FAF1: variants seen among roughly 807,000 people sequenced by gnomAD.
FAF1 encodes the protein FAS-associated factor 1.
In FAF1, 25 loss-of-function variants were observed where a neutral mutation model predicts 92.5. That is an observed-to-expected ratio of 0.27 (90% CI 0.20 to 0.38). The LOEUF (loss-of-function observed/expected upper bound fraction) is 0.38, where lower values mean the gene tolerates loss of function less well. Among genes scored for constraint, FAF1 ranks in the 10% least tolerant of loss-of-function variants. The probability of loss-of-function intolerance (pLI) is 1.00; values close to 1 mark genes in which losing one functional copy is unlikely to be tolerated. For synonymous variants in FAF1, 234 were observed against 273.2 expected, an observed-to-expected ratio of 0.86 and a Z score of 1.42; for missense variants, 636 against 793.3, an observed-to-expected ratio of 0.80 and a Z score of 2.38.
intron 7 of FAF1, among the ~76,000 whole-genome samples, chr1:50,694,817 G>T (rs1330681787): frequency 1.3e-5 from 2 of 149,460 alleles, no homozygotes; most frequent in Non-Finnish European, 3.0e-5. Flanking sequence ...AAAAAAATTG[G>T]CCAGGCGTAG....
chr1:50,835,025 A>G (rs1344995016), intron 2 of FAF1, among the ~76,000 whole-genome samples: 1 of 152,232 alleles, frequency 6.6e-6, no homozygotes, highest in Admixed American at 6.5e-5. Flanking sequence ...AATAAGGGCA[A>G]GCAGTTATGA....
intron 7 of FAF1, among the ~76,000 whole-genome samples, chr1:50,659,580 T>C (rs971737174): frequency 2.6e-5 from 4 of 152,202 alleles, no homozygotes; most frequent in Admixed American, 1.3e-4. Context: ...AGGGCCTTTT[T>C]GTCTTACACA....
chr1:50,663,554 C>T (rs1655487883), intron 7 of FAF1, among the ~76,000 whole-genome samples: 1 of 151,328 alleles, frequency 6.6e-6, no homozygotes, highest in South Asian at 2.1e-4. Flanking sequence ...AGGCACATGC[C>T]ACCACACCCG....
intron 12 of FAF1, among the ~76,000 whole-genome samples, chr1:50,576,644 G>T (rs1298469994): frequency 9.3e-5 from 5 of 53,994 alleles, no homozygotes; most frequent in African/African-American, 2.7e-4. Context: ...CCCCCCCCCC[G>T]CCACCACCCC....
At chr1:50,463,809 A>G (rs893733022) in intron 18 of FAF1, among the ~76,000 whole-genome samples, 3 of 152,164 alleles carry the variant, frequency 2.0e-5, no homozygotes, top group Non-Finnish European at 4.4e-5. Flanking sequence ...TCGGAGATCC[A>G]CCACCTCTTG....
At chr1:50,672,257 G>C (rs866636388) in intron 7 of FAF1, among the ~76,000 whole-genome samples, 1 of 151,988 alleles carries the variant, frequency 6.6e-6, no homozygotes, top group Middle Eastern at 3.2e-3. Context: ...TGGCCAGGCT[G>C]GTCTTGAACT....
chr1:50,664,667 G>T (rs112810143), intron 7 of FAF1, among the ~76,000 whole-genome samples: 35,056 of 152,046 alleles, frequency 0.23, 4,447 homozygotes, highest in Middle Eastern at 0.42. Flanking sequence ...GGTGGCGGGC[G>T]CCTGTAGTCC....
At chr1:50,619,834 T>C (rs1466843714) in intron 8 of FAF1, among the ~76,000 whole-genome samples, 1 of 152,174 alleles carries the variant, frequency 6.6e-6, no homozygotes, top group Non-Finnish European at 1.5e-5. Context: ...TCCTCAAATA[T>C]ATTTTCCAAG....
In FAF1 at chr1:50,897,685, C is replaced by T. The variant is rs184967350; in HGVS notation, c.46-39688G>A. Among the ~76,000 whole-genome samples the T allele has an allele frequency of 3.4e-4, 52 of 152,238 alleles. 2 individuals carry two copies. The highest frequency in any genetic ancestry group is 1.4e-3 in the Admixed American group (22 of 15,294). On this transcript the variant is annotated intron_variant, in intron 1 of 18. Transcript: ENST00000396153. ...ACAAAATGGACTGTGGTATTGAACC[C>T]AATTCTTCAACCTTCCATGCATCCA...
intron 12 of FAF1, among the ~76,000 whole-genome samples, chr1:50,576,210 T>A (rs2149062237): frequency 6.6e-6 from 1 of 152,316 alleles, no homozygotes; most frequent in East Asian, 1.9e-4. Context: ...CCCACTTAAG[T>A]CTCAAAACAA....
At chr1:50,609,998 A>G (rs1422783897) in intron 8 of FAF1, among the ~76,000 whole-genome samples, 2 of 152,200 alleles carry the variant, frequency 1.3e-5, no homozygotes, top group Non-Finnish European at 2.9e-5. Flanking sequence ...AGGTCAGGCA[A>G]ACATAGTCAT....
At chr1:50,780,521 C>T (rs906604791) in intron 4 of FAF1, 10 of 193,434 alleles carry the variant, frequency 5.2e-5, no homozygotes, top group East Asian at 1.7e-4. Context: ...CCCCTGGGTA[C>T]GGAAACCAAT....
chr1:50,797,571 C>T (rs1661810185), intron 3 of FAF1, among the ~76,000 whole-genome samples: 1 of 151,416 alleles, frequency 6.6e-6, no homozygotes, highest in African/African-American at 2.4e-5. Context: ...TGGTGGCAAG[C>T]GCCTACAGTC....
At chr1:50,497,428 G>T (rs1416819895) in intron 15 of FAF1, among the ~76,000 whole-genome samples, 1 of 151,680 alleles carries the variant, frequency 6.6e-6, no homozygotes, top group African/African-American at 2.4e-5. Flanking sequence ...AGTCTTTCAG[G>T]TAAAAGGAAA....
chr1:50,816,676 CTTTAG>C (rs929662937), intron 2 of FAF1, among the ~76,000 whole-genome samples: 4 of 152,246 alleles, frequency 2.6e-5, no homozygotes, highest in African/African-American at 7.2e-5. Flanking sequence ...GGCAGAAGCT[CTTTAG>C]TTTAATTAGG....
At chr1:50,787,602 T>C (rs1661408070) in intron 4 of FAF1, among the ~76,000 whole-genome samples, 1 of 152,200 alleles carries the variant, frequency 6.6e-6, no homozygotes, top group Non-Finnish European at 1.5e-5. Context: ...TTTCTGTTCC[T>C]TATAAATTAC....
chr1:50,883,989 G>GTCA (rs1557573530), intron 1 of FAF1, among the ~76,000 whole-genome samples: 1 of 152,024 alleles, frequency 6.6e-6, no homozygotes, highest in Non-Finnish European at 1.5e-5. Context: ...GCCAGGCATG[G>GTCA]TGGTGCACAC....
rs111742185 is a variant in FAF1 at position 50,631,967 on chromosome 1, T to A, written c.744+23475A>T. ...TGCAAATTTCTTATTGTGCCTAATT[T>A]ACAAATTAAACTTTACTACAGATGT... is the stretch of plus-strand genomic sequence containing the variant. On this transcript the variant is annotated intron_variant, in intron 8 of 18. Coordinates refer to ENST00000396153, the MANE Select transcript of FAF1 (RefSeq NM_007051.3). Among the ~76,000 whole-genome samples, 374 of 152,306 alleles carry A rather than the reference T, an allele frequency of 2.5e-3. 3 individuals are homozygous for A. The highest frequency in any genetic ancestry group is 8.5e-3 in the African/African-American group (354 of 41,568).
At chr1:50,750,645 A>C (rs1437686133) in intron 4 of FAF1, among the ~76,000 whole-genome samples, 2 of 142,768 alleles carry the variant, frequency 1.4e-5, no homozygotes, top group Admixed American at 7.0e-5. Context: ...TTTTCATTTG[A>C]AACAGTATCT....
Sources: gnomAD v4.1 joint callset for allele counts (sites outside exome capture counted in the v4.1 genomes callset) on GRCh38, gnomAD v4.1.1 for gene constraint, MANE v1.5 for transcripts, NCBI Gene and HGNC (gene_info 2026-07-23, HGNC 2026-07-21) for gene names.